C10orf90: variants seen among roughly 807,000 people sequenced by gnomAD.
C10orf90 encodes the protein chromosome 10 open reading frame 90.
C10orf90 carries 56 observed loss-of-function variants against 62.5 expected under a neutral mutation model. The observed-to-expected ratio is 0.90, with a 90% CI of 0.72 to 1.12. The LOEUF (loss-of-function observed/expected upper bound fraction) is 1.12. Ranked by LOEUF, C10orf90 falls within the 50% of genes most tolerant of loss-of-function variation. The pLI is 0.00. For synonymous variants in C10orf90, 386 were observed against 340.4 expected, an observed-to-expected ratio of 1.13 and a Z score of -1.47; for missense variants, 970 against 880.4, an observed-to-expected ratio of 1.10 and a Z score of -1.29.
At chr10:126,629,618 T>C (rs1845813024) in intron 2 of C10orf90, among the ~76,000 whole-genome samples, 1 of 152,224 alleles carries the variant, frequency 6.6e-6, no homozygotes, top group African/African-American at 2.4e-5. Context: ...AGCTTTAAAT[T>C]CCATATACTT....
chr10:126,533,081 C>T (rs998526499), intron 2 of C10orf90, among the ~76,000 whole-genome samples: 7 of 151,196 alleles, frequency 4.6e-5, no homozygotes, highest in Non-Finnish European at 1.0e-4. Context: ...TACAGGAACC[C>T]GCCACCACGC....
intron 2 of C10orf90, among the ~76,000 whole-genome samples, chr10:126,611,846 AGT>A (rs1845441611): frequency 6.6e-6 from 1 of 152,182 alleles, no homozygotes; most frequent in Non-Finnish European, 1.5e-5. Context: ...TTGGGTCCCA[AGT>A]GGTGCATAGA....
intron 2 of C10orf90, among the ~76,000 whole-genome samples, chr10:126,644,920 A>T (rs1158059943): frequency 6.6e-6 from 1 of 152,232 alleles, no homozygotes; most frequent in Non-Finnish European, 1.5e-5. Flanking sequence ...AAATGGATTC[A>T]TGTTCTCACT....
intron 5 of C10orf90, 105 bp downstream of exon 5, chr10:126,464,591 C>T (rs1279206495): frequency 2.5e-5 from 31 of 1,245,924 alleles, no homozygotes; most frequent in Non-Finnish European, 3.3e-5. Context: ...GGGGAGGTTT[C>T]ATCAGGTGAA....
Position 126,617,630 on chromosome 10 carries a change from C to T in C10orf90, c.313+28935G>A, listed in dbSNP as rs370046088. ...CATTCTCTGCAAGAGCAGCATTCTC[C>T]ACCACTGTGTCTCATTTGCTGGAAT... On this transcript the variant is annotated intron_variant, in intron 2 of 9. Transcript: ENST00000488181. 1.4e-4 allele frequency among the ~76,000 whole-genome samples: 22 copies of T among 152,362 alleles called. No homozygotes were observed. The South Asian group carries it at 2.1e-3, about 14-fold the overall frequency.
intron 2 of C10orf90, among the ~76,000 whole-genome samples, chr10:126,568,198 C>A (rs1180097563): frequency 6.6e-6 from 1 of 152,182 alleles, no homozygotes; most frequent in Non-Finnish European, 1.5e-5. Flanking sequence ...AGGTCCCTAG[C>A]TCAGAAGTCA....
intron 7 of C10orf90, among the ~76,000 whole-genome samples, chr10:126,437,337 C>T (rs1857988331): frequency 6.6e-6 from 1 of 152,222 alleles, no homozygotes. Context: ...GCTGCATCAA[C>T]ATCACCTGGA....
chr10:126,568,441 C>T (rs899371271), intron 2 of C10orf90, among the ~76,000 whole-genome samples: 2 of 152,148 alleles, frequency 1.3e-5, no homozygotes, highest in African/African-American at 4.8e-5. Flanking sequence ...ACCATATAGC[C>T]CCTCCGTCTT....
rs796313852 is a variant in C10orf90, at chr10:126,651,581, T to G, written c.241-4944A>C. On this transcript the variant is annotated intron_variant, in intron 1 of 9. Transcript: ENST00000488181. The stretch of plus-strand genomic sequence containing the variant: ...GAATACTCATCGCCAGCTTCTGGGT[T>G]AGGGTTTTCCATTAAGCAAGCAGAA... 2.6e-4 allele frequency among the ~76,000 whole-genome samples: 40 copies of G among 152,168 alleles called. 2 individuals are homozygous for G. The highest frequency in any genetic ancestry group is 9.4e-4 in the African/African-American group (39 of 41,514).
intron 2 of C10orf90, among the ~76,000 whole-genome samples, chr10:126,529,555 A>G (rs1864039193): frequency 6.6e-6 from 1 of 152,232 alleles, no homozygotes; most frequent in African/African-American, 2.4e-5. Context: ...CAATGGAAAA[A>G]TAAGCAAAGA....
intron 2 of C10orf90, among the ~76,000 whole-genome samples, chr10:126,538,190 G>A (rs186824436): frequency 2.4e-4 from 36 of 152,256 alleles, no homozygotes; most frequent in African/African-American, 8.4e-4. Context: ...AGTGTGTTCA[G>A]GGGAACTCCC....
Position 126,504,981 on chromosome 10 carries a change from C to G in C10orf90, c.510G>C (p.Pro170=), listed in dbSNP as rs373665713. The change falls in exon 4 of 10, where the codon CCG becomes CCC. Residue 170 remains proline, a synonymous_variant. Coordinates refer to ENST00000488181, the MANE Select transcript of C10orf90 (RefSeq NM_001350921.2). The surrounding 1 kb of genome is among the most constrained non-coding windows in gnomAD (Gnocchi z 4.1). ...SRENRASLPL[P]CAIAQSRAHH... is the part of the protein sequence containing the mutation. ...GTGCACGAGACTGAGCAATGGCACA[C>G]GGTAGGGGCAAGGAGGCCCTGTTTT... The G allele has an allele frequency of 6.2e-7, 1 of 1,614,108 alleles. No homozygotes were observed. The highest frequency in any genetic ancestry group is 8.5e-7 in the Non-Finnish European group (1 of 1,180,046).
chr10:126,561,603 C>T (rs1212107349), intron 2 of C10orf90, among the ~76,000 whole-genome samples: 1 of 152,154 alleles, frequency 6.6e-6, no homozygotes, highest in Non-Finnish European at 1.5e-5. Flanking sequence ...GCAGGAGCCA[C>T]AGAAAGTCCG....
At chr10:126,430,826 C>T (rs1402825950) in intron 7 of C10orf90, among the ~76,000 whole-genome samples, 2 of 152,198 alleles carry the variant, frequency 1.3e-5, no homozygotes, top group Non-Finnish European at 2.9e-5. Flanking sequence ...AGGCCTGTCC[C>T]TTTGCTCATC....
intron 2 of C10orf90, among the ~76,000 whole-genome samples, chr10:126,623,299 C>A (rs376472355): frequency 2.0e-5 from 3 of 152,182 alleles, no homozygotes; most frequent in African/African-American, 2.4e-5. Context: ...GGGCACAGAG[C>A]TATTCTCAAA....
chr10:126,586,188 G>A (rs1844866738), intron 2 of C10orf90, among the ~76,000 whole-genome samples: 1 of 152,214 alleles, frequency 6.6e-6, no homozygotes, highest in South Asian at 2.1e-4. Flanking sequence ...AACATTTACA[G>A]TGTAGAAGCA....
At chr10:126,545,417 T>A (rs1864468413) in intron 2 of C10orf90, among the ~76,000 whole-genome samples, 1 of 152,120 alleles carries the variant, frequency 6.6e-6, no homozygotes, top group Non-Finnish European at 1.5e-5. Context: ...CTGCACTGTC[T>A]GGCCAAGTGA....
At chr10:126,497,411 G>A (rs1428997998) in intron 4 of C10orf90, among the ~76,000 whole-genome samples, 3 of 152,142 alleles carry the variant, frequency 2.0e-5, no homozygotes, top group African/African-American at 4.8e-5. Flanking sequence ...AGCAAACAAC[G>A]CAAGGAGGCT....
At chr10:126,437,061 C>G (rs1054235109) in intron 7 of C10orf90, among the ~76,000 whole-genome samples, 1 of 152,112 alleles carries the variant, frequency 6.6e-6, no homozygotes, top group African/African-American at 2.4e-5. Flanking sequence ...GGGCACCTAT[C>G]CCCCAAATTC....
Sources: allele counts gnomAD v4.1 joint callset (sites outside exome capture counted in the v4.1 genomes callset), GRCh38; gene constraint gnomAD v4.1.1; non-coding constraint Gnocchi (gnomAD v3.1); transcripts MANE v1.5; gene names NCBI Gene and HGNC (gene_info 2026-07-23, HGNC 2026-07-21).